MBOAT1: variants seen among roughly 807,000 people sequenced by gnomAD.
The protein encoded by MBOAT1 is membrane bound glycerophospholipid O-acyltransferase 1, also known as membrane-bound glycerophospholipid O-acyltransferase 1.
MBOAT1 carries 67 observed loss-of-function variants against 64.4 expected under a neutral mutation model. The ratio of observed to expected loss-of-function variants is 1.04; its 90% confidence interval spans 0.85 to 1.27. The LOEUF (loss-of-function observed/expected upper bound fraction) is 1.27. Ranked by LOEUF, MBOAT1 falls within the 50% of genes most tolerant of loss-of-function variation. The pLI, the probability that MBOAT1 is intolerant of heterozygous loss-of-function variation, is 0.00. For missense variants in MBOAT1, 563 were observed against 604.6 expected, an observed-to-expected ratio of 0.93 and a Z score of 0.72; for synonymous variants, 229 against 218.9, an observed-to-expected ratio of 1.05 and a Z score of -0.41.
At position 20,212,343 on chromosome 6, in the gene MBOAT1, C is replaced by T. The variant is rs1763465571; in HGVS notation, c.-109G>A. 2 of 1,001,434 alleles carry T rather than the reference C, an allele frequency of 2.0e-6. No individual in the cohort carries two copies. The highest frequency in any genetic ancestry group is 2.4e-5 in the Admixed American group (1 of 42,216). 62.0% of individuals were successfully genotyped at this position (1,001,434 alleles called of 1,614,324 possible). A position where few individuals can be genotyped will look rare whatever the true frequency, so the allele number is the denominator to read the frequency against. Reference sequence around the variant, plus strand: ...GGTTGCCCCGAGAGGCGCACGGCCGCCTGGTTCGCGGGGGAGCGAACGGGA... The same window carrying T: ...GGTTGCCCCGAGAGGCGCACGGCCGTCTGGTTCGCGGGGGAGCGAACGGGA... On this transcript the variant is annotated 5_prime_UTR_variant, in exon 1 of 13. Transcript: ENST00000324607.
intron 1 of MBOAT1, among the ~76,000 whole-genome samples, chr6:20,211,382 T>A (rs1031292611): frequency 2.0e-5 from 3 of 152,220 alleles, no homozygotes; most frequent in Non-Finnish European, 4.4e-5. Context: ...ATCCCGCAGA[T>A]CTAGCCTGCA....
intron 1 of MBOAT1, among the ~76,000 whole-genome samples, chr6:20,164,852 C>T (rs781300459): frequency 2.0e-5 from 3 of 152,118 alleles, no homozygotes; most frequent in Non-Finnish European, 4.4e-5. Flanking sequence ...AGAAACCGAA[C>T]TTTGAGTAGC....
At chr6:20,170,726 C>T (rs1403548345) in intron 1 of MBOAT1, among the ~76,000 whole-genome samples, 6 of 152,206 alleles carry the variant, frequency 3.9e-5, no homozygotes, top group Non-Finnish European at 5.9e-5. Flanking sequence ...AGGTGATCTG[C>T]TGCAGTGCTG....
intron 3 of MBOAT1, among the ~76,000 whole-genome samples, chr6:20,144,724 C>G (rs746346981): frequency 6.6e-6 from 1 of 152,180 alleles, no homozygotes; most frequent in Non-Finnish European, 1.5e-5. Flanking sequence ...TTGTAAAGTA[C>G]AAATCATCAC....
chr6:20,190,182 A>G (rs1415452037), intron 1 of MBOAT1, among the ~76,000 whole-genome samples: 1 of 151,972 alleles, frequency 6.6e-6, no homozygotes, highest in Non-Finnish European at 1.5e-5. Flanking sequence ...TTTAGTAGAG[A>G]TGGAGTTCCA....
rs540480458 is a variant in MBOAT1, at chr6:20,189,334, A to G, written c.99+22802T>C. ...ATGGCTCAGTCAAGCTAAGTACCATATGTATTACCTCACACACATCATTTA... is the reference window on the plus strand; with the variant it reads ...ATGGCTCAGTCAAGCTAAGTACCATGTGTATTACCTCACACACATCATTTA... On this transcript the variant is annotated intron_variant, in intron 1 of 12. Coordinates refer to ENST00000324607, the MANE Select transcript of MBOAT1 (RefSeq NM_001080480.3). 3.9e-5 allele frequency among the ~76,000 whole-genome samples: 6 copies of G among 152,370 alleles called. No homozygotes were observed. The South Asian group carries it at 1.2e-3, about 32-fold the overall frequency.
chr6:20,141,696 A>C (rs142658758), intron 4 of MBOAT1, among the ~76,000 whole-genome samples: 1,714 of 152,112 alleles, frequency 0.011, 36 homozygotes, highest in African/African-American at 0.039. Flanking sequence ...CTAGAACCTC[A>C]TTCTGATGAG....
chr6:20,109,709 G>A lies in MBOAT1; in HGVS notation c.1250C>T (p.Ala417Val). The A allele has an allele frequency of 6.2e-7, 1 of 1,614,078 alleles. No homozygotes were observed. The highest frequency in any genetic ancestry group is 8.5e-7 in the Non-Finnish European group (1 of 1,179,984). ...GCCTGCATCATACACAGCCTTGAGA[G>A]CTCTTGAAGAAAGGAAGTAATGTCT... ...NYRHYFLSSRALKAVYDAGTW... is the reference protein window; with the variant it reads ...NYRHYFLSSRVLKAVYDAGTW... Residue 417 changes from alanine to valine, a missense_variant, in exon 12 of 13, where the codon GCT becomes GTT. Transcript: ENST00000324607.
At chr6:20,186,453 G>A (rs919445720) in intron 1 of MBOAT1, among the ~76,000 whole-genome samples, 4 of 152,154 alleles carry the variant, frequency 2.6e-5, no homozygotes, top group African/African-American at 9.7e-5. Context: ...CAGGGTGAGG[G>A]AATCAAAACC....
chr6:20,111,816 A>ATATATATACG lies in MBOAT1; in HGVS notation c.1209+1059_1209+1060insCGTATATATA, dbSNP rs1760150366. Reference sequence around the variant, plus strand: ...TAATCCACTTTGTTCATATATATACATATATATACATATATATACACATAT... The same window carrying ATATATATACG: ...TAATCCACTTTGTTCATATATATACATATATATACGTATATATACATATATATACACATAT... On this transcript the variant is annotated intron_variant, in intron 11 of 12. Transcript: ENST00000324607. Among the ~76,000 whole-genome samples, 90 of 94,574 alleles carry ATATATATACG rather than the reference A, an allele frequency of 9.5e-4. 3 individuals carry two copies. Among genetic ancestry groups the ATATATATACG allele is most frequent in the African/African-American group, 3.1e-3 (82 of 26,706 alleles). 62.0% of individuals were successfully genotyped at this position (94,574 alleles called of 152,430 possible).
intron 1 of MBOAT1, among the ~76,000 whole-genome samples, chr6:20,207,026 C>T (rs1763284822): frequency 6.6e-6 from 1 of 152,216 alleles, no homozygotes; most frequent in Non-Finnish European, 1.5e-5. Flanking sequence ...TTCCCAACAA[C>T]CTTCTCTGAA....
intron 11 of MBOAT1, among the ~76,000 whole-genome samples, 191 bp downstream of exon 11, chr6:20,112,685 T>A (rs952927443): frequency 6.6e-6 from 1 of 152,222 alleles, no homozygotes; most frequent in African/African-American, 2.4e-5. Context: ...ACCATTTTTG[T>A]AATGACTCCA....
At chr6:20,187,905 T>C (rs370492276) in intron 1 of MBOAT1, among the ~76,000 whole-genome samples, 12 of 152,128 alleles carry the variant, frequency 7.9e-5, no homozygotes, top group African/African-American at 2.7e-4. Flanking sequence ...GGCGGGAGGA[T>C]TGCTTGACCC....
At position 20,111,833 on chromosome 6, in the gene MBOAT1, TAC is replaced by T. The variant is rs70990006; in HGVS notation, c.1209+1041_1209+1042del. 8.7e-3 allele frequency among the ~76,000 whole-genome samples: 826 copies of T among 95,074 alleles called. 2 individuals carry two copies. Among genetic ancestry groups the T allele is most frequent in the East Asian group, 0.035 (81 of 2,306 alleles). 62.4% of individuals were successfully genotyped at this position (95,074 alleles called of 152,430 possible). On this transcript the variant is annotated intron_variant, in intron 11 of 12. Coordinates refer to ENST00000324607, the MANE Select transcript of MBOAT1 (RefSeq NM_001080480.3). ...ATATATACATATATATACATATATATACACATATATATACATATATATATACA... is the reference window on the plus strand; with the variant it reads ...ATATATACATATATATACATATATATACATATATATACATATATATATACA...
intron 12 of MBOAT1, among the ~76,000 whole-genome samples, chr6:20,106,300 T>G (rs968657028): frequency 1.3e-5 from 2 of 152,232 alleles, no homozygotes; most frequent in Non-Finnish European, 2.9e-5. Context: ...TAATTAAAAT[T>G]CAATAAAATC....
intron 1 of MBOAT1, among the ~76,000 whole-genome samples, chr6:20,155,710 A>G (rs1761656588): frequency 6.6e-6 from 1 of 152,198 alleles, no homozygotes; most frequent in South Asian, 2.1e-4. Context: ...AGCTTGGCCA[A>G]TCAGAAACTA....
chr6:20,179,071 A>T (rs111718076), intron 1 of MBOAT1, among the ~76,000 whole-genome samples: 14,964 of 151,660 alleles, frequency 0.099, 1,031 homozygotes, highest in African/African-American at 0.2. Context: ...TTCATTAGTT[A>T]TTCTTCCTGA....
chr6:20,130,403 G>A (rs1053697472), intron 5 of MBOAT1, among the ~76,000 whole-genome samples: 9 of 152,054 alleles, frequency 5.9e-5, no homozygotes, highest in African/African-American at 2.2e-4. Flanking sequence ...ACCCAGGCTG[G>A]AGTGCAGTGG....
intron 8 of MBOAT1, among the ~76,000 whole-genome samples, chr6:20,123,139 A>C (rs1465169003): frequency 6.6e-6 from 1 of 151,034 alleles, no homozygotes; most frequent in Non-Finnish European, 1.5e-5. Context: ...CAAAAAAATT[A>C]TAATTTTTTT....
Sources: allele counts gnomAD v4.1 joint callset (sites outside exome capture counted in the v4.1 genomes callset), GRCh38; gene constraint gnomAD v4.1.1; transcripts MANE v1.5; gene names NCBI Gene and HGNC (gene_info 2026-07-23, HGNC 2026-07-21).